FHIT: variants seen among roughly 807,000 people sequenced by gnomAD.
The protein encoded by FHIT is bis(5'-adenosyl)-triphosphatase.
FHIT carries 19 observed loss-of-function variants against 17.9 expected under a neutral mutation model. That is an observed-to-expected ratio of 1.06 (90% CI 0.74 to 1.56). FHIT has a LOEUF of 1.56. Ranked by LOEUF, FHIT falls within the 40% of genes most tolerant of loss-of-function variation. The pLI, the probability that FHIT is intolerant of heterozygous loss-of-function variation, is 0.00. For synonymous variants in FHIT, 81 were observed against 69.7 expected, an observed-to-expected ratio of 1.16 and a Z score of -0.81; for missense variants, 248 against 189.2, an observed-to-expected ratio of 1.31 and a Z score of -1.82.
intron 5 of FHIT, among the ~76,000 whole-genome samples, chr3:60,265,575 T>G (rs768040828): frequency 2.0e-5 from 3 of 151,916 alleles, no homozygotes; most frequent in Non-Finnish European, 2.9e-5. Context: ...TATATATAAA[T>G]TAGACTTCAT....
chr3:60,864,888 T>C lies in FHIT; in HGVS notation c.-110-42877A>G, dbSNP rs9809371. On this transcript the variant is annotated intron_variant, in intron 3 of 9. Transcript: ENST00000492590. ...CAAAACCCTAAAAGATTCGATTAACTCTATGGAAATGAGGATAAAGGGTAG... is the reference window on the plus strand; with the variant it reads ...CAAAACCCTAAAAGATTCGATTAACCCTATGGAAATGAGGATAAAGGGTAG... Among the ~76,000 whole-genome samples the C allele has an allele frequency of 5.8e-3, 883 of 152,120 alleles. 9 individuals carry two copies. The highest frequency in any genetic ancestry group is 0.024 in the Middle Eastern group (7 of 294).
intron 2 of FHIT, among the ~76,000 whole-genome samples, chr3:61,111,674 A>G (rs9819916): frequency 0.037 from 5,617 of 152,320 alleles, 261 homozygotes; most frequent in African/African-American, 0.11. Context: ...ACTGTGATAG[A>G]TCTATTTCAC....
chr3:59,887,480 C>G (rs546688589), intron 8 of FHIT, among the ~76,000 whole-genome samples: 1 of 152,116 alleles, frequency 6.6e-6, no homozygotes, highest in East Asian at 1.9e-4. Context: ...AGTCAGAGAG[C>G]CAAGAAAAAA....
chr3:60,087,304 G>A (rs1250344005), intron 5 of FHIT, among the ~76,000 whole-genome samples: 1 of 152,156 alleles, frequency 6.6e-6, no homozygotes, highest in African/African-American at 2.4e-5. Context: ...TCTTTGAAAT[G>A]CCTTAAGGGC....
At chr3:60,716,059 T>C (rs1245666360) in intron 4 of FHIT, among the ~76,000 whole-genome samples, 2 of 152,044 alleles carry the variant, frequency 1.3e-5, no homozygotes, top group Non-Finnish European at 2.9e-5. Context: ...GAGACCAACA[T>C]TGCAAAACCC....
intron 5 of FHIT, among the ~76,000 whole-genome samples, chr3:60,138,836 C>G (rs561205206): frequency 1.3e-5 from 2 of 152,206 alleles, no homozygotes; most frequent in Admixed American, 1.3e-4. Context: ...AAGTCACCAA[C>G]AGAATCATTA....
intron 4 of FHIT, among the ~76,000 whole-genome samples, chr3:60,575,713 C>G (rs1195469945): frequency 6.6e-6 from 1 of 152,126 alleles, no homozygotes; most frequent in African/African-American, 2.4e-5. Context: ...GAACATACTG[C>G]TCCTATAAGT....
chr3:61,080,228 C>G (rs542167365), intron 2 of FHIT, among the ~76,000 whole-genome samples: 9 of 152,232 alleles, frequency 5.9e-5, no homozygotes, highest in Middle Eastern at 3.4e-3. Flanking sequence ...CTAAGATGTT[C>G]AGGTAAAACT....
intron 5 of FHIT, among the ~76,000 whole-genome samples, chr3:60,090,757 C>T (rs1703697354): frequency 6.6e-6 from 1 of 152,108 alleles, no homozygotes; most frequent in South Asian, 2.1e-4. Flanking sequence ...ACCAGTCAGG[C>T]CACACAGACT....
intron 5 of FHIT, among the ~76,000 whole-genome samples, chr3:60,120,290 G>C (rs950511017): frequency 1.4e-4 from 22 of 152,178 alleles, no homozygotes; most frequent in African/African-American, 5.3e-4. Context: ...GATCAGCACA[G>C]TGCCTGCACG....
At chr3:59,871,930 G>A (rs944118322) in intron 8 of FHIT, among the ~76,000 whole-genome samples, 3 of 152,184 alleles carry the variant, frequency 2.0e-5, no homozygotes, top group African/African-American at 7.2e-5. Flanking sequence ...GTGTTACAGA[G>A]ATAATACACA....
At chr3:61,217,975 G>A (rs1402516544) in intron 1 of FHIT, among the ~76,000 whole-genome samples, 1 of 152,128 alleles carries the variant, frequency 6.6e-6, no homozygotes, top group Non-Finnish European at 1.5e-5. Flanking sequence ...TCCACATCTG[G>A]AGTCAAAAGA....
chr3:60,525,606 A>G (rs2035544372), intron 5 of FHIT, among the ~76,000 whole-genome samples: 1 of 152,220 alleles, frequency 6.6e-6, no homozygotes, highest in South Asian at 2.1e-4. Context: ...GGCAGAACGT[A>G]TAACTATGTA....
chr3:60,557,605 C>T (rs1305739123), intron 4 of FHIT, among the ~76,000 whole-genome samples: 5 of 151,724 alleles, frequency 3.3e-5, no homozygotes, highest in African/African-American at 1.2e-4. Flanking sequence ...CTACATGGCT[C>T]TGCCTCATCT....
chr3:61,208,432 T>C (rs1212977485), intron 1 of FHIT, among the ~76,000 whole-genome samples: 3 of 152,220 alleles, frequency 2.0e-5, no homozygotes, highest in East Asian at 3.9e-4. Flanking sequence ...TCTCCCATTA[T>C]TATTGTGTGG....
intron 4 of FHIT, among the ~76,000 whole-genome samples, chr3:60,678,295 T>G (rs1408041835): frequency 6.6e-6 from 1 of 152,216 alleles, no homozygotes; most frequent in Non-Finnish European, 1.5e-5. Context: ...AGGACACTTC[T>G]CATAAAAGCT....
chr3:61,130,974 C>T (rs1464601264), intron 2 of FHIT, among the ~76,000 whole-genome samples: 1 of 152,110 alleles, frequency 6.6e-6, no homozygotes, highest in Non-Finnish European at 1.5e-5. Flanking sequence ...AAGCATTTTA[C>T]AAAACAGTTC....
chr3:60,416,418 G>A (rs1322672855), intron 5 of FHIT, among the ~76,000 whole-genome samples: 2 of 152,004 alleles, frequency 1.3e-5, no homozygotes, highest in East Asian at 3.9e-4. Context: ...TCCTGTAAAG[G>A]GACAAAGAGT....
chr3:59,977,803 C>G (rs1708480398), intron 7 of FHIT, among the ~76,000 whole-genome samples: 3 of 152,060 alleles, frequency 2.0e-5, no homozygotes, highest in South Asian at 4.1e-4. Context: ...CCAAATAAAC[C>G]AAGGACAAAT....
Sources: gnomAD v4.1 joint callset for allele counts (sites outside exome capture counted in the v4.1 genomes callset) on GRCh38, gnomAD v4.1.1 for gene constraint, MANE v1.5 for transcripts, NCBI Gene and HGNC (gene_info 2026-07-23, HGNC 2026-07-21) for gene names.